ZFYVE9: variants seen among roughly 807,000 people sequenced by gnomAD.
ZFYVE9 encodes the protein zinc finger FYVE domain-containing protein 9.
In ZFYVE9, 43 loss-of-function variants were observed where a neutral mutation model predicts 126.7. That is an observed-to-expected ratio of 0.34 (90% confidence interval 0.27 to 0.44). ZFYVE9 has a LOEUF of 0.44. Among genes scored for constraint, ZFYVE9 ranks in the 20% least tolerant of loss-of-function variants. ZFYVE9 has a pLI of 1.00. For missense variants in ZFYVE9, 1,476 were observed against 1,697.0 expected (o/e 0.87, Z 2.29); for synonymous variants, 521 against 597.4 (o/e 0.87, Z 1.87).
At position 52,340,117 on chromosome 1, in the gene ZFYVE9, C is replaced by T. The variant is rs767306498; in HGVS notation, c.3834-9C>T. On this transcript the variant is annotated splice_polypyrimidine_tract_variant and intron_variant, in intron 16 of 18. Coordinates refer to ENST00000287727, the MANE Select transcript of ZFYVE9 (RefSeq NM_004799.4). ...AGCTGCTTCTATCTTTCCTTTGCCT[C>T]TATTTTAGTGTCGTAAGTCCTATAG... The T allele has an allele frequency of 2.6e-5, 42 of 1,605,066 alleles. No homozygotes were observed. The South Asian group carries it at 4.1e-4, about 16-fold the overall frequency.
chr1:52,194,016 C>T (rs888073816), intron 1 of ZFYVE9, among the ~76,000 whole-genome samples: 7 of 151,708 alleles, frequency 4.6e-5, no homozygotes, highest in South Asian at 2.1e-4. Context: ...GGCTGAGGCA[C>T]GAGAATTTCT....
chr1:52,327,297 TG>T (rs1043884034), intron 13 of ZFYVE9, among the ~76,000 whole-genome samples: 3 of 152,162 alleles, frequency 2.0e-5, no homozygotes, highest in African/African-American at 7.2e-5. Flanking sequence ...AATGTCTCAC[TG>T]GGGGTTAAAG....
intron 8 of ZFYVE9, among the ~76,000 whole-genome samples, chr1:52,274,930 A>G (rs1450886014): frequency 6.6e-6 from 1 of 152,122 alleles, no homozygotes; most frequent in African/African-American, 2.4e-5. Flanking sequence ...TTAGCTTTTC[A>G]TTTTGAGGTA....
intron 1 of ZFYVE9, among the ~76,000 whole-genome samples, chr1:52,211,830 C>G (rs1035852582): frequency 6.6e-6 from 1 of 152,014 alleles, no homozygotes; most frequent in Non-Finnish European, 1.5e-5. Flanking sequence ...AATCTATGGC[C>G]AGGATTTTGG....
At chr1:52,172,073 C>T (rs1174501297) in intron 1 of ZFYVE9, among the ~76,000 whole-genome samples, 1 of 151,972 alleles carries the variant, frequency 6.6e-6, no homozygotes, top group African/African-American at 2.4e-5. Context: ...GAAGTCCTTG[C>T]CCATGCCTAT....
intron 2 of ZFYVE9, among the ~76,000 whole-genome samples, chr1:52,228,392 A>C (rs1031069512): frequency 1.3e-5 from 2 of 152,204 alleles, no homozygotes; most frequent in Admixed American, 1.3e-4. Flanking sequence ...TTTTATTTAG[A>C]GTAGGAAGGA....
intron 2 of ZFYVE9, among the ~76,000 whole-genome samples, chr1:52,230,091 A>G (rs979874532): frequency 2.6e-5 from 4 of 152,124 alleles, no homozygotes; most frequent in South Asian, 2.1e-4. Flanking sequence ...GATGGTCTCC[A>G]TCTCCTGACC....
chr1:52,223,044 A>G (rs1308241988), intron 2 of ZFYVE9, among the ~76,000 whole-genome samples: 1 of 152,132 alleles, frequency 6.6e-6, no homozygotes, highest in African/African-American at 2.4e-5. Flanking sequence ...AAACATAGGG[A>G]AAGCGAGCTG....
rs116186676 is a variant in ZFYVE9, at chr1:52,254,211, G to A, written c.2179-9562G>A. On this transcript the variant is annotated intron_variant, in intron 4 of 18. Coordinates refer to ENST00000287727, the MANE Select transcript of ZFYVE9 (RefSeq NM_004799.4). ...TAAAATGATATGGAAGTCATTAAAC[G>A]TATCTTTGTTTTATCCTGTCTTTAA... The A allele has an allele frequency of 8.6e-3, 4,061 of 473,308 alleles. 123 individuals carry two copies. Among genetic ancestry groups the A allele is most frequent in the African/African-American group, 0.069 (3,582 of 51,972 alleles). The allele number at this position is 473,308 out of a possible 1,614,324, so 29.3% of individuals were successfully genotyped here.
At chr1:52,175,133 C>T (rs1278762726) in intron 1 of ZFYVE9, among the ~76,000 whole-genome samples, 233 of 152,068 alleles carry the variant, frequency 1.5e-3, no homozygotes, top group African/African-American at 5.1e-3. Context: ...GATTTTGCAG[C>T]GGCTGGTACT....
At chr1:52,262,919 A>G (rs757994172) in intron 4 of ZFYVE9, among the ~76,000 whole-genome samples, 1 of 151,442 alleles carries the variant, frequency 6.6e-6, no homozygotes, top group Non-Finnish European at 1.5e-5. Flanking sequence ...TAATAATACA[A>G]AAAAAAATTA....
At chr1:52,333,649 A>G (rs886906552) in intron 14 of ZFYVE9, among the ~76,000 whole-genome samples, 1 of 152,158 alleles carries the variant, frequency 6.6e-6, no homozygotes, top group African/African-American at 2.4e-5. Context: ...TGTTTAATAG[A>G]TTTAATCTAA....
chr1:52,324,701 CAG>C (rs1646274644), intron 13 of ZFYVE9, among the ~76,000 whole-genome samples: 1 of 152,194 alleles, frequency 6.6e-6, no homozygotes, highest in Non-Finnish European at 1.5e-5. Context: ...CTCTTGAGGG[CAG>C]AGAGTAAGTC....
chr1:52,203,987 A>G (rs532924038), intron 1 of ZFYVE9, among the ~76,000 whole-genome samples: 1 of 152,156 alleles, frequency 6.6e-6, no homozygotes, highest in African/African-American at 2.4e-5. Context: ...AGCCCTTAGC[A>G]TATTAATTAT....
At chr1:52,326,964 C>G (rs1220096563) in intron 13 of ZFYVE9, among the ~76,000 whole-genome samples, 1 of 151,966 alleles carries the variant, frequency 6.6e-6, no homozygotes, top group Non-Finnish European at 1.5e-5. Context: ...AGATAGAGAC[C>G]ATCCTGGCTA....
chr1:52,147,115 G>T (rs1368736032), intron 1 of ZFYVE9, among the ~76,000 whole-genome samples: 1 of 152,112 alleles, frequency 6.6e-6, no homozygotes, highest in Non-Finnish European at 1.5e-5. Context: ...TGAAACAAAT[G>T]AATTTTGTGT....
intron 1 of ZFYVE9, among the ~76,000 whole-genome samples, chr1:52,168,421 T>C (rs957209607): frequency 5.9e-5 from 9 of 152,060 alleles, no homozygotes; most frequent in Admixed American, 5.2e-4. Flanking sequence ...TTCACCGTAT[T>C]GGTCAGGCTG....
At chr1:52,266,405 TAAAAAAAAAAAAA>T (rs33996604) in intron 5 of ZFYVE9, among the ~76,000 whole-genome samples, 3 of 85,628 alleles carry the variant, frequency 3.5e-5, no homozygotes, top group African/African-American at 4.8e-5. Flanking sequence ...TCTAATTCTT[TAAAAAAAAAAAAA>T]AAAAAAAAAA....
chr1:52,238,731 G>T lies in ZFYVE9; in HGVS notation c.1314G>T (p.Gln438His). Residue 438 changes from glutamine (Q) to histidine (H), a missense_variant, in exon 4 of 19, where the codon CAG (glutamine) becomes CAT (histidine). Physicochemically the swap from Gln to His is conservative, Grantham distance 24. This residue lies in a region of ZFYVE9 where 807 missense variants were observed against 794.6 expected (regional missense o/e 1.02). Coordinates refer to ENST00000287727, the MANE Select transcript of ZFYVE9 (RefSeq NM_004799.4). ...PEDTNGDSGG[Q>H]CVGLADAGLD... ...ACACTAATGGTGATAGTGGAGGACA[G>T]TGTGTTGGATTGGCAGATGCAGGTC... 6.2e-7 allele frequency: 1 copy of T among 1,614,136 alleles called. No homozygotes were observed. The highest frequency in any genetic ancestry group is 8.5e-7 in the Non-Finnish European group (1 of 1,179,978).
Sources: gnomAD v4.1 joint callset for allele counts (sites outside exome capture counted in the v4.1 genomes callset) on GRCh38, gnomAD v4.1.1 for gene constraint, gnomAD v4.1.1 regional missense constraint, MANE v1.5 for transcripts, NCBI Gene and HGNC (gene_info 2026-07-23, HGNC 2026-07-21) for gene names.